TENM2: variants seen among roughly 807,000 people sequenced by gnomAD.
The protein encoded by TENM2 is teneurin transmembrane protein 2.
TENM2 carries 52 observed loss-of-function variants against 245.2 expected under a neutral mutation model. The observed-to-expected ratio is 0.21, with a 90% confidence interval of 0.17 to 0.27. The LOEUF (loss-of-function observed/expected upper bound fraction) is 0.27. Among genes scored for constraint, TENM2 ranks in the 10% least tolerant of loss-of-function variants. The pLI, the probability that TENM2 is intolerant of heterozygous loss-of-function variation, is 1.00. For missense variants in TENM2, 3,046 were observed against 3,666.8 expected, an observed-to-expected ratio of 0.83 and a Z score of 4.37; for synonymous variants, 1,363 against 1,438.9, an observed-to-expected ratio of 0.95 and a Z score of 1.19.
chr5:166,979,541 C>G, the TENM2 span, among the ~76,000 whole-genome samples: 3 of 152,238 alleles, frequency 2.0e-5, no homozygotes, highest in East Asian at 5.8e-4. Context: ...TTTTTCACTT[C>G]TTACTCTTTA....
At chr5:168,006,352 G>T (rs748981081) in intron 5 of TENM2, among the ~76,000 whole-genome samples, 1 of 152,194 alleles carries the variant, frequency 6.6e-6, no homozygotes. Flanking sequence ...TCTAGGGCGC[G>T]AGGGTTGTCA....
chr5:167,097,854 G>A, the TENM2 span, among the ~76,000 whole-genome samples: 1 of 152,122 alleles, frequency 6.6e-6, no homozygotes, highest in East Asian at 1.9e-4. Context: ...TAAGTAATTG[G>A]TAAACATAGA....
intron 9 of TENM2, among the ~76,000 whole-genome samples, chr5:168,115,885 G>A (rs756958276): frequency 4.6e-5 from 7 of 152,124 alleles, no homozygotes; most frequent in Non-Finnish European, 8.8e-5. Context: ...GGAACAAGAT[G>A]CCGTGATCAA....
intron 2 of TENM2, among the ~76,000 whole-genome samples, chr5:167,400,081 G>A (rs940599681): frequency 2.0e-5 from 3 of 152,114 alleles, no homozygotes; most frequent in Non-Finnish European, 4.4e-5. Flanking sequence ...ACTTTACCAT[G>A]GAAGCAAATG....
chr5:168,154,147 TAAAAAAAA>T (rs70976465), intron 12 of TENM2, among the ~76,000 whole-genome samples: 1 of 85,100 alleles, frequency 1.2e-5, no homozygotes, highest in Non-Finnish European at 2.5e-5. Flanking sequence ...TCACCTACTT[TAAAAAAAA>T]AAAAAAAAAA....
chr5:167,721,206 T>A (rs1307300055), intron 2 of TENM2, among the ~76,000 whole-genome samples: 1 of 152,152 alleles, frequency 6.6e-6, no homozygotes, highest in Admixed American at 6.6e-5. Context: ...GTGAATAGAA[T>A]CAGCTACCAT....
intron 23 of TENM2, among the ~76,000 whole-genome samples, chr5:168,225,251 G>C (rs1764052124): frequency 6.6e-6 from 1 of 152,160 alleles, no homozygotes; most frequent in Admixed American, 6.5e-5. Context: ...GGTGGCATTT[G>C]GCACAGGCTG....
chr5:167,665,787 G>T (rs1755536755), intron 2 of TENM2, among the ~76,000 whole-genome samples: 1 of 152,020 alleles, frequency 6.6e-6, no homozygotes, highest in Non-Finnish European at 1.5e-5. Context: ...CTGGAAAGTG[G>T]CCTCTCCACT....
intron 1 of TENM2, among the ~76,000 whole-genome samples, chr5:167,352,493 C>T (rs1384590972): frequency 2.0e-5 from 3 of 152,126 alleles, no homozygotes; most frequent in Admixed American, 2.0e-4. Flanking sequence ...GCCACGTGAT[C>T]CTCCCCTTTT....
At chr5:168,105,588 A>G (rs1476465244) in intron 9 of TENM2, among the ~76,000 whole-genome samples, 2 of 152,240 alleles carry the variant, frequency 1.3e-5, no homozygotes, top group Admixed American at 1.3e-4. Context: ...ATCAATGAAC[A>G]TAGCCAATTA....
intron 24 of TENM2, among the ~76,000 whole-genome samples, chr5:168,227,516 C>CTTTTT (rs56834297): frequency 3.1e-5 from 4 of 130,624 alleles, no homozygotes; most frequent in Non-Finnish European, 6.6e-5. Context: ...ATTTGCCTTT[C>CTTTTT]TTTTTTTTTT....
the TENM2 span, among the ~76,000 whole-genome samples, chr5:167,042,687 C>A: frequency 1.3e-5 from 2 of 152,106 alleles, no homozygotes; most frequent in Non-Finnish European, 2.9e-5. Context: ...TTTTCTAGAG[C>A]TAAGTATGAA....
chr5:167,635,609 G>A (rs898002304), intron 2 of TENM2, among the ~76,000 whole-genome samples: 3 of 142,720 alleles, frequency 2.1e-5, no homozygotes, highest in Non-Finnish European at 4.5e-5. Flanking sequence ...TAAATACAAG[G>A]AATCTGGCTA....
Position 167,321,801 on chromosome 5 carries a change from T to TTTTTTGTGGG in TENM2, c.226+36738_226+36739insTTTTTGTGGG, listed in dbSNP as rs67957514. Among the ~76,000 whole-genome samples, 2 of 7,282 alleles carry TTTTTTGTGGG rather than the reference T, an allele frequency of 2.7e-4. 1 individual carries two copies. The highest frequency in any genetic ancestry group is 5.8e-4 in the Non-Finnish European group (2 of 3,466). 4.8% of individuals were successfully genotyped at this position (7,282 alleles called of 152,430 possible). On this transcript the variant is annotated intron_variant, in intron 1 of 28. Coordinates refer to ENST00000518659, the Ensembl canonical transcript of TENM2. The stretch of plus-strand genomic sequence containing the variant: ...CCTTGGCTTATTTTTTTTTTTTTTT[T>TTTTTTGTGGG]GGGGGGGGGGGCGGGGGGGGGGGTG...
intron 2 of TENM2, among the ~76,000 whole-genome samples, chr5:167,462,184 C>A (rs1005469056): frequency 2.6e-5 from 1 of 38,060 alleles, no homozygotes; most frequent in Non-Finnish European, 7.0e-5. Context: ...GACCCCCACC[C>A]CCCCCCCCCA....
At chr5:168,006,350 G>A (rs975557882) in intron 5 of TENM2, among the ~76,000 whole-genome samples, 5 of 152,170 alleles carry the variant, frequency 3.3e-5, no homozygotes, top group African/African-American at 4.8e-5. Context: ...GTTCTAGGGC[G>A]CGAGGGTTGT....
At chr5:167,428,995 C>T (rs1396588552) in intron 2 of TENM2, among the ~76,000 whole-genome samples, 1 of 152,122 alleles carries the variant, frequency 6.6e-6, no homozygotes, top group Non-Finnish European at 1.5e-5. Context: ...GTGTTAAACC[C>T]ATCCCTTTCT....
intron 2 of TENM2, among the ~76,000 whole-genome samples, chr5:167,639,021 G>T (rs76702204): frequency 3.9e-5 from 6 of 152,324 alleles, no homozygotes; most frequent in African/African-American, 4.8e-5. Context: ...GAGTAATTAT[G>T]ATACAAGCAT....
intron 2 of TENM2, among the ~76,000 whole-genome samples, chr5:167,847,628 G>A (rs777560006): frequency 3.9e-5 from 6 of 152,130 alleles, no homozygotes; most frequent in Non-Finnish European, 7.3e-5. Context: ...GAAAGTTAGC[G>A]CATCTCCACC....
Sources: gnomAD v4.1 joint callset for allele counts (sites outside exome capture counted in the v4.1 genomes callset) on GRCh38, gnomAD v4.1.1 for gene constraint, MANE v1.5 for transcripts, NCBI Gene and HGNC (gene_info 2026-07-23, HGNC 2026-07-21) for gene names.